The following ALG9 variants were observed in gnomAD, a reference collection of about 807,000 sequenced individuals.
ALG9 encodes the protein ALG9 alpha-1,2-mannosyltransferase.
ALG9 carries 55 observed loss-of-function variants against 81.8 expected under a neutral mutation model. The ratio of observed to expected loss-of-function variants is 0.67; its 90% confidence interval spans 0.54 to 0.84. The LOEUF is 0.84. Ranked by LOEUF, ALG9 falls within the 40% of genes least tolerant of loss-of-function variation. The probability of loss-of-function intolerance (pLI) is 0.00; values close to 1 mark genes in which losing one functional copy is unlikely to be tolerated. For synonymous variants in ALG9, 278 were observed against 274.3 expected, an observed-to-expected ratio of 1.01 and a Z score of -0.13; for missense variants, 629 against 745.0, an observed-to-expected ratio of 0.84 and a Z score of 1.81.
chr11:111,848,831 G>C (rs1555133700), intron 8 of ALG9, among the ~76,000 whole-genome samples: 3 of 151,896 alleles, frequency 2.0e-5, no homozygotes. Flanking sequence ...ATTTACTAAG[G>C]ACACTCCTAC....
At chr11:111,768,885 A>T in the ALG9 span, 5 of 147,070 alleles carry the variant, frequency 3.4e-5, no homozygotes, top group African/African-American at 1.4e-4. Context: ...ACAGAGTCTC[A>T]CCATGCTGCC....
At chr11:111,858,024 A>G (rs915579527) in intron 5 of ALG9, 1 of 377,470 alleles carries the variant, frequency 2.6e-6, no homozygotes, top group Non-Finnish European at 5.1e-6. Flanking sequence ...CTGCAACCTG[A>G]TTCCCTGGTT....
At chr11:111,769,133 C>T in the ALG9 span, 1 of 129,108 alleles carries the variant, frequency 7.7e-6, no homozygotes, top group African/African-American at 2.8e-5. Context: ...ATAGCAAAAC[C>T]CCATCTCTAA....
At chr11:111,769,886 T>C in the ALG9 span, among the ~76,000 whole-genome samples, 1 of 152,116 alleles carries the variant, frequency 6.6e-6, no homozygotes, top group African/African-American at 2.4e-5. Context: ...CCCAGAAAAT[T>C]GCCTGGTTTG....
rs529116402 is a variant in ALG9 at position 111,786,447 on chromosome 11, T to C, written c.1807A>G (p.Ile603Val). The change falls in exon 15 of 15, where the codon ATC (isoleucine) becomes GTC (valine). Residue 603 changes from isoleucine (I) to valine (V), a missense_variant. Transcript: ENST00000616540. ...DQYTVYVNYT[I>V]LKPRKAKQIR... ...TGCTTTGCTTTCCGGGGTTTGAGGA[T>C]GGTGTAGTTTACGTACACTGTATAC... 91 of 1,614,122 alleles carry C rather than the reference T, an allele frequency of 5.6e-5. No homozygotes were observed. The South Asian group carries it at 9.9e-4, about 18-fold the overall frequency.
chr11:111,854,578 T>C (rs1958373937), intron 6 of ALG9, among the ~76,000 whole-genome samples: 1 of 152,140 alleles, frequency 6.6e-6, no homozygotes, highest in African/African-American at 2.4e-5. Flanking sequence ...GCCCCATCTT[T>C]GAATTTATAT....
intron 13 of ALG9, among the ~76,000 whole-genome samples, chr11:111,823,514 GGCAAAGGCAAAA>G (rs1952762720): frequency 2.6e-5 from 4 of 152,166 alleles, no homozygotes; most frequent in Admixed American, 2.6e-4. Context: ...TGTCACAAAT[GGCAAAGGCAAAA>G]TAAGATCATT....
At chr11:111,805,598 G>GC (rs1949799822) in intron 14 of ALG9, among the ~76,000 whole-genome samples, 1 of 152,226 alleles carries the variant, frequency 6.6e-6, no homozygotes, top group Non-Finnish European at 1.5e-5. Flanking sequence ...ATGACATTCT[G>GC]GAAAAGGCAA....
chr11:111,833,216 C>T lies in ALG9; in HGVS notation c.1602+2949G>A, dbSNP rs116951600. Among the ~76,000 whole-genome samples the T allele has an allele frequency of 6.6e-3, 1,004 of 152,142 alleles. 6 individuals carry two copies. Among genetic ancestry groups the T allele is most frequent in the Middle Eastern group, 0.051 (15 of 294 alleles). Reference sequence around the variant, plus strand: ...TTGGAGCTGGAAGTGTATCATTCACCTTGAAATAGTGAACAAAAATGTGAA... The same window carrying T: ...TTGGAGCTGGAAGTGTATCATTCACTTTGAAATAGTGAACAAAAATGTGAA... On this transcript the variant is annotated intron_variant, in intron 13 of 14. Coordinates refer to ENST00000616540, the MANE Select transcript of ALG9 (RefSeq NM_024740.2).
chr11:111,811,543 A>C (rs1357102357), intron 13 of ALG9, among the ~76,000 whole-genome samples: 4 of 57,842 alleles, frequency 6.9e-5, no homozygotes, highest in African/African-American at 3.2e-4. Flanking sequence ...ACTCTGTCTC[A>C]AAAAAAAAAA....
chr11:111,834,404 T>G (rs78636763), intron 13 of ALG9, among the ~76,000 whole-genome samples: 1,858 of 152,314 alleles, frequency 0.012, 33 homozygotes, highest in African/African-American at 0.04. Context: ...AGATTGGGTT[T>G]CTTTACCTGG....
Position 111,865,180 on chromosome 11 carries a change from C to G in ALG9, c.476+1G>C. 1 of 1,542,812 alleles carries G rather than the reference C, an allele frequency of 6.5e-7. No individual in the cohort carries two copies. Among genetic ancestry groups the G allele is most frequent in the Non-Finnish European group, 8.7e-7 (1 of 1,144,618 alleles). ...TTTAGAAGCAAAGTTTTTATACTCACTTGTAAAAGTAAAGTTCACAAATAC... is the reference window on the plus strand; with the variant it reads ...TTTAGAAGCAAAGTTTTTATACTCAGTTGTAAAAGTAAAGTTCACAAATAC... On this transcript the variant is annotated splice_donor_variant, in intron 4 of 14. Transcript: ENST00000616540. LOFTEE classifies it high-confidence loss of function.
chr11:111,868,648 T>C lies in ALG9; in HGVS notation c.359A>G (p.His120Arg), dbSNP rs781929484. The C allele has an allele frequency of 1.9e-6, 3 of 1,613,994 alleles. No individual in the cohort carries two copies. Among genetic ancestry groups the C allele is most frequent in the South Asian group, 1.1e-5 (1 of 91,080 alleles). ...AIRSYAYLLL[H>R]AWPAAFHARI... is the part of the protein sequence containing the mutation. ...TGCATGAAATGCAGCTGGCCAGGCA[T>C]GAAGCAACAGGTAAGCATAGGAGCG... The change falls in exon 3 of 15, where the codon CAT (histidine) becomes CGT (arginine). Residue 120 changes from histidine (H) to arginine (R), a missense_variant. Physicochemically the swap from His to Arg is conservative, Grantham distance 29 (BLOSUM62 0). Transcript: ENST00000616540.
chr11:111,826,431 A>C (rs1592103100), intron 13 of ALG9, among the ~76,000 whole-genome samples: 1 of 151,816 alleles, frequency 6.6e-6, no homozygotes, highest in East Asian at 1.9e-4. Context: ...CAAGAAGCTT[A>C]TTATGAAAAA....
chr11:111,787,363 G>A (rs1447197647), intron 14 of ALG9, among the ~76,000 whole-genome samples: 2 of 152,096 alleles, frequency 1.3e-5, no homozygotes, highest in African/African-American at 2.4e-5. Context: ...AACCCGGGAG[G>A]TGGAAGTTGC....
intron 13 of ALG9, among the ~76,000 whole-genome samples, chr11:111,827,492 CAT>C (rs55794807): frequency 0.29 from 44,481 of 151,874 alleles, 7,382 homozygotes; most frequent in East Asian, 0.58. Context: ...ATTTTCAGCA[CAT>C]AGAGACAATA....
chr11:111,818,061 G>T (rs1400441030), intron 13 of ALG9, among the ~76,000 whole-genome samples: 2 of 152,004 alleles, frequency 1.3e-5, no homozygotes, highest in African/African-American at 2.4e-5. Context: ...TTTCAGGCGT[G>T]AGCCACCACA....
chr11:111,813,949 C>T (rs1046378900), intron 13 of ALG9, among the ~76,000 whole-genome samples: 1 of 152,114 alleles, frequency 6.6e-6, no homozygotes, highest in African/African-American at 2.4e-5. Context: ...CAATTCTACC[C>T]CTAATTATTA....
intron 13 of ALG9, among the ~76,000 whole-genome samples, chr11:111,830,575 T>A (rs992584110): frequency 3.3e-5 from 5 of 152,202 alleles, no homozygotes; most frequent in Non-Finnish European, 7.3e-5. Flanking sequence ...CCAATTAAAT[T>A]CTTAGTAGAC....
Sources: gnomAD v4.1 joint callset for allele counts (sites outside exome capture counted in the v4.1 genomes callset) on GRCh38, gnomAD v4.1.1 for gene constraint, MANE v1.5 for transcripts, NCBI Gene and HGNC (gene_info 2026-07-23, HGNC 2026-07-21) for gene names.